ZNF490: variants seen among roughly 807,000 people sequenced by gnomAD.
ZNF490 encodes the protein zinc finger protein 490.
ZNF490 carries 11 observed loss-of-function variants against 17.7 expected under a neutral mutation model. That is an observed-to-expected ratio of 0.62 (90% confidence interval 0.39 to 1.03). The LOEUF (loss-of-function observed/expected upper bound fraction) is 1.03. ZNF490 is among the 50% of genes least tolerant of loss of function. The probability of loss-of-function intolerance (pLI) is 0.00; values close to 1 mark genes in which losing one functional copy is unlikely to be tolerated. For synonymous variants in ZNF490, 222 were observed against 216.1 expected (o/e 1.03, Z -0.24); for missense variants, 542 against 643.4 (o/e 0.84, Z 1.71).
chr19:12,583,040 C>A (rs2022759888), intron 3 of ZNF490, 130 bp from the exon 4 acceptor site: 2 of 800,670 alleles, frequency 2.5e-6, no homozygotes, highest in Non-Finnish European at 1.9e-6. Context: ...GTATTCTCTT[C>A]CCACATTTTT....
chr19:12,606,979 A>G lies in ZNF490; in HGVS notation c.162+2179T>C, dbSNP rs537287830. Among the ~76,000 whole-genome samples, 4 of 152,214 alleles carry G rather than the reference A, an allele frequency of 2.6e-5. No individual in the cohort carries two copies. In the South Asian group the frequency reaches 8.3e-4, roughly 32 times the overall value. On this transcript the variant is annotated intron_variant, in intron 2 of 4. Transcript: ENST00000311437. The stretch of plus-strand genomic sequence containing the variant: ...TTAGCCCCACCCAATCATACCTCCC[A>G]TCTTGCAAATGAAAAAAGTTAAGTA...
At chr19:12,599,444 T>C (rs1304629884) in intron 2 of ZNF490, among the ~76,000 whole-genome samples, 2 of 152,164 alleles carry the variant, frequency 1.3e-5, no homozygotes, top group Non-Finnish European at 2.9e-5. Flanking sequence ...GCCTCCTGAA[T>C]GCTTCATAAA....
At chr19:12,592,743 T>C (rs1243576211) in intron 2 of ZNF490, among the ~76,000 whole-genome samples, 1 of 152,214 alleles carries the variant, frequency 6.6e-6, no homozygotes, top group Non-Finnish European at 1.5e-5. Context: ...GTACATCACT[T>C]ATAACAGATG....
Position 12,578,604 on chromosome 19 carries a change from T to C in ZNF490, c.*1881A>G. 1.0e-6 allele frequency: 1 copy of C among 985,498 alleles called. No homozygotes were observed. The highest frequency in any genetic ancestry group is 1.2e-6 in the Non-Finnish European group (1 of 829,954). The allele number at this position is 985,498 out of a possible 1,614,324, so 61.0% of individuals were successfully genotyped here. On this transcript the variant is annotated 3_prime_UTR_variant, in exon 5 of 5. Coordinates refer to ENST00000311437, the MANE Select transcript of ZNF490 (RefSeq NM_020714.3). Reference sequence around the variant, plus strand: ...CAATGTCTGTGAATTAGGATGTGCATAGGCAGATCCCACTTGGGGAAAAAC... The same window carrying C: ...CAATGTCTGTGAATTAGGATGTGCACAGGCAGATCCCACTTGGGGAAAAAC...
Position 12,588,033 on chromosome 19 carries a change from C to T in ZNF490, c.163-4477G>A, listed in dbSNP as rs1348936154. Among the ~76,000 whole-genome samples, 3 of 94,420 alleles carry T rather than the reference C, an allele frequency of 3.2e-5. 1 individual carries two copies. Among genetic ancestry groups the T allele is most frequent in the Admixed American group, 3.0e-4 (3 of 10,116 alleles). The allele number at this position is 94,420 out of a possible 152,430, so 61.9% of individuals were successfully genotyped here. A position where few individuals can be genotyped will look rare whatever the true frequency, so the allele number is the denominator to read the frequency against. On this transcript the variant is annotated intron_variant, in intron 2 of 4. Transcript: ENST00000311437. The stretch of plus-strand genomic sequence containing the variant: ...TGCAGGCACCTGCCACCACGCCTGG[C>T]TAATTTTTGTATTTTTAGTAGAGAC...
At chr19:12,602,079 T>TACAC (rs61568541) in intron 2 of ZNF490, among the ~76,000 whole-genome samples, 2,260 of 68,582 alleles carry the variant, frequency 0.033, 36 homozygotes, top group East Asian at 0.061. Context: ...GTTCACTATA[T>TACAC]ACACACACAC....
At chr19:12,585,913 A>T (rs1196684360) in intron 2 of ZNF490, among the ~76,000 whole-genome samples, 1 of 92,858 alleles carries the variant, frequency 1.1e-5, no homozygotes, top group East Asian at 2.1e-4. Flanking sequence ...GATGGTGTCG[A>T]ACTCCTACCT....
At chr19:12,581,791 C>T in intron 4 of ZNF490, 67 bp from the exon 5 acceptor site, 2 of 1,358,628 alleles carry the variant, frequency 1.5e-6, no homozygotes, top group African/African-American at 1.5e-5. Context: ...TTAGCAAGTA[C>T]CAGAATTACA....
rs149742929 is a variant in ZNF490 at position 12,576,813 on chromosome 19, C to CAAAAAAAA, written c.*3664_*3671dup. On this transcript the variant is annotated 3_prime_UTR_variant, in exon 5 of 5. Coordinates refer to ENST00000311437, the MANE Select transcript of ZNF490 (RefSeq NM_020714.3). The stretch of plus-strand genomic sequence containing the variant: ...GCCTGGCAACAGTGAGAATCCATCT[C>CAAAAAAAA]AAAAAAAAAAAAAAAAAAAAAAACC... Among the ~76,000 whole-genome samples, 1 of 37,524 alleles carries CAAAAAAAA rather than the reference C, an allele frequency of 2.7e-5. No individual in the cohort carries two copies. The highest frequency in any genetic ancestry group is 6.8e-4 in the East Asian group (1 of 1,468). 24.6% of individuals were successfully genotyped at this position (37,524 alleles called of 152,430 possible). A position where few individuals can be genotyped will look rare whatever the true frequency, so the allele number is the denominator to read the frequency against.
chr19:12,583,754 G>GCTCTCTCT (rs772203523), intron 2 of ZNF490, among the ~76,000 whole-genome samples, 198 bp from the exon 3 acceptor site: 10 of 70,558 alleles, frequency 1.4e-4, no homozygotes, highest in African/African-American at 3.4e-4. Context: ...AAAAATTATT[G>GCTCTCTCT]CGCTCTCTCT....
rs1282675019 is a variant in ZNF490 at position 12,584,686 on chromosome 19, G to A, written c.163-1130C>T. Among the ~76,000 whole-genome samples, 2 of 93,754 alleles carry A rather than the reference G, an allele frequency of 2.1e-5. 1 individual carries two copies. Among genetic ancestry groups the A allele is most frequent in the Non-Finnish European group, 5.7e-5 (2 of 34,884 alleles). 61.5% of individuals were successfully genotyped at this position (93,754 alleles called of 152,430 possible). On this transcript the variant is annotated intron_variant, in intron 2 of 4. Transcript: ENST00000311437. Reference sequence around the variant, plus strand: ...GACTATAAGCTGCACATCTCCCATTGAGGATGAAAAACTGTGTATTTTTCT... The same window carrying A: ...GACTATAAGCTGCACATCTCCCATTAAGGATGAAAAACTGTGTATTTTTCT...
In ZNF490 at chr19:12,578,828, G is replaced by A; in HGVS notation, c.*1657C>T. 1 of 985,452 alleles carries A rather than the reference G, an allele frequency of 1.0e-6. No homozygotes were observed. The highest frequency in any genetic ancestry group is 1.7e-5 in the African/African-American group (1 of 57,348). 61.0% of individuals were successfully genotyped at this position (985,452 alleles called of 1,614,324 possible). ...CCACAAAAGGCCTGCTGGGGCCCAAGTCCTTCTTCCCCATTCCTTTAATTC... is the reference window on the plus strand; with the variant it reads ...CCACAAAAGGCCTGCTGGGGCCCAAATCCTTCTTCCCCATTCCTTTAATTC... On this transcript the variant is annotated 3_prime_UTR_variant, in exon 5 of 5. Transcript: ENST00000311437.
Position 12,580,930 on chromosome 19 carries a change from C to A in ZNF490, c.1145G>T (p.Arg382Ile), listed in dbSNP as rs1420367131. ...KSSSSCEVHE[R>I]THFGEKPYEC... ...ATAGGGTTTTTCTCCAAAATGAGTTCTTTCGTGCACTTCACAGGAACTAGA... is the reference window on the plus strand; with the variant it reads ...ATAGGGTTTTTCTCCAAAATGAGTTATTTCGTGCACTTCACAGGAACTAGA... Residue 382 changes from arginine to isoleucine, a missense_variant, in exon 5 of 5, where the codon AGA becomes ATA. Coordinates refer to ENST00000311437, the MANE Select transcript of ZNF490 (RefSeq NM_020714.3). 6.2e-7 allele frequency: 1 copy of A among 1,614,170 alleles called. No individual in the cohort carries two copies. Among genetic ancestry groups the A allele is most frequent in the African/African-American group, 1.3e-5 (1 of 75,040 alleles).
intron 2 of ZNF490, among the ~76,000 whole-genome samples, chr19:12,607,563 T>TA (rs750705709): frequency 4.6e-5 from 7 of 151,872 alleles, no homozygotes; most frequent in Admixed American, 1.3e-4. Flanking sequence ...TTCTCAGTAT[T>TA]AAAGTCCAAA....
intron 2 of ZNF490, among the ~76,000 whole-genome samples, chr19:12,591,653 G>C (rs1442855033): frequency 1.3e-5 from 2 of 151,386 alleles, no homozygotes; most frequent in Non-Finnish European, 2.9e-5. Context: ...ACAGCATTAG[G>C]GAATAAAAAA....
chr19:12,591,740 A>G, intron 2 of ZNF490, among the ~76,000 whole-genome samples: 1 of 152,072 alleles, frequency 6.6e-6, no homozygotes, highest in East Asian at 1.9e-4. Flanking sequence ...TAAAAACACC[A>G]AATGATGGTG....
intron 2 of ZNF490, among the ~76,000 whole-genome samples, chr19:12,599,280 A>G (rs569748012): frequency 2.2e-4 from 33 of 152,242 alleles, no homozygotes; most frequent in Admixed American, 1.2e-3. Flanking sequence ...CTTGTATGAT[A>G]GATTCTTGTC....
Position 12,609,147 on chromosome 19 carries a change from A to G in ZNF490, c.162+11T>C. ...AAGGTAGCCACGCTGACAGGTAGCG[A>G]TCTCACTTACAGTTTGAGTCTTGAT... On this transcript the variant is annotated intron_variant, in intron 2 of 4. Coordinates refer to ENST00000311437, the MANE Select transcript of ZNF490 (RefSeq NM_020714.3). 1.2e-6 allele frequency: 2 copies of G among 1,614,000 alleles called. No homozygotes were observed. The highest frequency in any genetic ancestry group is 1.7e-6 in the Non-Finnish European group (2 of 1,179,890).
In ZNF490 at chr19:12,578,740, T is replaced by A. The variant is rs1190447827; in HGVS notation, c.*1745A>T. 1.0e-6 allele frequency: 1 copy of A among 985,296 alleles called. No individual in the cohort carries two copies. The highest frequency in any genetic ancestry group is 1.2e-6 in the Non-Finnish European group (1 of 829,944). The allele number at this position is 985,296 out of a possible 1,614,324, so 61.0% of individuals were successfully genotyped here. ...TGGGAGTCTTCTCACTTCTCTCCAG[T>A]CATGTGTGAGAGCTGAGGGCAGGCA... On this transcript the variant is annotated 3_prime_UTR_variant, in exon 5 of 5. Transcript: ENST00000311437.
Sources: allele counts gnomAD v4.1 joint callset (sites outside exome capture counted in the v4.1 genomes callset), GRCh38; gene constraint gnomAD v4.1.1; transcripts MANE v1.5; gene names NCBI Gene and HGNC (gene_info 2026-07-23, HGNC 2026-07-21).